MICU1: variants seen among roughly 807,000 people sequenced by gnomAD.
The protein encoded by MICU1 is mitochondrial calcium uptake 1.
In MICU1, 45 loss-of-function variants were observed where a neutral mutation model predicts 56.8. That is an observed-to-expected ratio of 0.79 (90% CI 0.62 to 1.02). MICU1 has a LOEUF of 1.02. Among genes scored for constraint, MICU1 ranks in the 50% least tolerant of loss-of-function variants. MICU1 has a pLI of 0.00. For synonymous variants in MICU1, 186 were observed against 195.1 expected, an observed-to-expected ratio of 0.95 and a Z score of 0.39; for missense variants, 504 against 587.1, an observed-to-expected ratio of 0.86 and a Z score of 1.46.
intron 9 of MICU1, among the ~76,000 whole-genome samples, chr10:72,410,423 CCTGA>C (rs1376794059): frequency 6.6e-6 from 1 of 152,116 alleles, no homozygotes; most frequent in Non-Finnish European, 1.5e-5. Context: ...TCCAGACCAG[CCTGA>C]CTAACACGGA....
chr10:72,560,012 C>T (rs1840253511), intron 3 of MICU1, among the ~76,000 whole-genome samples: 1 of 152,204 alleles, frequency 6.6e-6, no homozygotes, highest in Non-Finnish European at 1.5e-5. Context: ...CCCTCCCACT[C>T]TGGTCTGCAG....
intron 9 of MICU1, among the ~76,000 whole-genome samples, chr10:72,409,082 C>T (rs565520051): frequency 1.2e-4 from 19 of 152,202 alleles, no homozygotes; most frequent in Non-Finnish European, 2.4e-4. Flanking sequence ...GCCTTTCCCC[C>T]GCTTCCCACA....
At chr10:72,423,104 G>A in intron 9 of MICU1, 130 bp downstream of exon 9, 1 of 1,253,790 alleles carries the variant, frequency 8.0e-7, no homozygotes, top group South Asian at 1.6e-5. Context: ...ACGGACCTCA[G>A]GTACCAGAAA....
At chr10:72,516,695 CT>C (rs1867656336) in intron 5 of MICU1, among the ~76,000 whole-genome samples, 1 of 152,082 alleles carries the variant, frequency 6.6e-6, no homozygotes, top group African/African-American at 2.4e-5. Context: ...ATAGGGAATC[CT>C]TTCCCCATTG....
At chr10:72,469,385 C>A (rs61567375) in intron 8 of MICU1, among the ~76,000 whole-genome samples, 1 of 152,078 alleles carries the variant, frequency 6.6e-6, no homozygotes, top group African/African-American at 2.4e-5. Flanking sequence ...AAAACCCATA[C>A]AAAAGTTATT....
intron 5 of MICU1, among the ~76,000 whole-genome samples, chr10:72,509,901 T>C (rs1049479965): frequency 6.6e-5 from 10 of 152,038 alleles, no homozygotes; most frequent in African/African-American, 2.4e-4. Flanking sequence ...AGAAAAAAAT[T>C]TGCATTTTTT....
chr10:72,613,170 T>A (rs1241502777), intron 1 of MICU1, among the ~76,000 whole-genome samples: 1 of 152,092 alleles, frequency 6.6e-6, no homozygotes, highest in East Asian at 1.9e-4. Context: ...TATACTTGCT[T>A]CATCTACTTA....
At chr10:72,438,188 A>C (rs1174576318) in intron 8 of MICU1, among the ~76,000 whole-genome samples, 3 of 152,216 alleles carry the variant, frequency 2.0e-5, no homozygotes, top group Non-Finnish European at 2.9e-5. Context: ...CAGAAATCAC[A>C]ACAAACTGTC....
intron 1 of MICU1, among the ~76,000 whole-genome samples, chr10:72,620,454 G>C (rs547238079): frequency 6.6e-6 from 1 of 152,130 alleles, no homozygotes; most frequent in Non-Finnish European, 1.5e-5. Flanking sequence ...CCAAAGTACT[G>C]GGATTACAGG....
chr10:72,385,001 T>C (rs1412804859), intron 10 of MICU1, among the ~76,000 whole-genome samples: 1 of 152,116 alleles, frequency 6.6e-6, no homozygotes, highest in Non-Finnish European at 1.5e-5. Flanking sequence ...GTCTGGGGGA[T>C]GCTCTCCCTA....
chr10:72,421,018 ATAATAAT>A (rs1407068626), intron 9 of MICU1, among the ~76,000 whole-genome samples: 3 of 128,034 alleles, frequency 2.3e-5, no homozygotes, highest in African/African-American at 8.6e-5. Flanking sequence ...AAAAAAAAAA[ATAATAAT>A]AATAATAATA....
At chr10:72,534,464 C>T (rs1398495049) in intron 4 of MICU1, among the ~76,000 whole-genome samples, 1 of 152,076 alleles carries the variant, frequency 6.6e-6, no homozygotes, top group Non-Finnish European at 1.5e-5. Context: ...AGAAACAGTC[C>T]TTGCCTTGAA....
At chr10:72,559,569 T>C (rs942517874) in intron 3 of MICU1, among the ~76,000 whole-genome samples, 2 of 152,170 alleles carry the variant, frequency 1.3e-5, no homozygotes, top group Non-Finnish European at 2.9e-5. Flanking sequence ...CTCATGCCTG[T>C]AATCCTAGCA....
At chr10:72,569,711 G>C (rs1304506108) in intron 1 of MICU1, among the ~76,000 whole-genome samples, 3 of 151,988 alleles carry the variant, frequency 2.0e-5, no homozygotes, top group Non-Finnish European at 4.4e-5. Flanking sequence ...CAAAACCATA[G>C]GATCATTTCG....
chr10:72,562,019 C>T (rs1840309028), intron 3 of MICU1, among the ~76,000 whole-genome samples: 1 of 152,114 alleles, frequency 6.6e-6, no homozygotes, highest in Non-Finnish European at 1.5e-5. Flanking sequence ...AGAAATCCAT[C>T]CTTTTCATTG....
intron 6 of MICU1, among the ~76,000 whole-genome samples, chr10:72,500,302 A>ATTTTTTTTTT (rs542725786): frequency 9.4e-5 from 1 of 10,676 alleles, no homozygotes; most frequent in East Asian, 5.3e-3. Context: ...ATATATATAT[A>ATTTTTTTTTT]TTTTTTTTTT....
chr10:72,587,205 A>C (rs1422634131), intron 1 of MICU1, among the ~76,000 whole-genome samples: 1 of 152,176 alleles, frequency 6.6e-6, no homozygotes, highest in African/African-American at 2.4e-5. Context: ...ACTCTTTATC[A>C]AAAGTGTCTA....
intron 8 of MICU1, among the ~76,000 whole-genome samples, chr10:72,445,392 T>C (rs1469888452): frequency 6.6e-6 from 1 of 152,190 alleles, no homozygotes; most frequent in Admixed American, 6.5e-5. Flanking sequence ...ATCATTATAG[T>C]CACACTTTAG....
chr10:72,519,786 T>C (rs1022973266), intron 5 of MICU1, among the ~76,000 whole-genome samples: 4 of 152,212 alleles, frequency 2.6e-5, no homozygotes, highest in Non-Finnish European at 5.9e-5. Context: ...GAAACTTATT[T>C]CTTCTAGTTA....
Sources: gnomAD v4.1 joint callset for allele counts (sites outside exome capture counted in the v4.1 genomes callset) on GRCh38, gnomAD v4.1.1 for gene constraint, MANE v1.5 for transcripts, NCBI Gene and HGNC (gene_info 2026-07-23, HGNC 2026-07-21) for gene names.